The following LMO7 variants were observed in gnomAD, a reference collection of about 807,000 sequenced individuals.
LMO7 encodes LIM domain 7, also known as LIM domain only protein 7.
In LMO7, 120 loss-of-function variants were observed where a neutral mutation model predicts 206.5. The ratio of observed to expected loss-of-function variants is 0.58; its 90% CI spans 0.50 to 0.68. The LOEUF is 0.68. Among genes scored for constraint, LMO7 ranks in the 30% least tolerant of loss-of-function variants. The pLI is 0.00. For synonymous variants in LMO7, 706 were observed against 681.5 expected, an observed-to-expected ratio of 1.04 and a Z score of -0.56; for missense variants, 1,959 against 1,957.9, an observed-to-expected ratio of 1.00 and a Z score of -0.01.
intron 1 of LMO7, among the ~76,000 whole-genome samples, chr13:75,707,059 T>G (rs2042711032): frequency 6.6e-6 from 1 of 151,962 alleles, no homozygotes; most frequent in Admixed American, 6.5e-5. Context: ...CTATTCTTTG[T>G]TCCTTTAGGT....
Position 75,841,752 on chromosome 13 carries a change from A to C in LMO7, c.3800A>C (p.Glu1267Ala), listed in dbSNP as rs1220542209. Residue 1267 changes from glutamate to alanine, a missense_variant, in exon 24 of 31, where the codon GAA becomes GCA. Transcript: ENST00000377534. The stretch of plus-strand genomic sequence containing the variant: ...GACAGAGAAGGAACCCGAGCAGGAG[A>C]AGAGGAGAGGAGACAGCCACAAGAG... ...SSDREGTRAGEEERRQPQEEV... is the reference protein window; with the variant it reads ...SSDREGTRAGAEERRQPQEEV... 1 of 1,614,054 alleles carries C rather than the reference A, an allele frequency of 6.2e-7. No homozygotes were observed. Among genetic ancestry groups the C allele is most frequent in the African/African-American group, 1.3e-5 (1 of 75,006 alleles).
intron 4 of LMO7, among the ~76,000 whole-genome samples, chr13:75,790,556 A>G (rs1253057740): frequency 6.6e-6 from 1 of 152,064 alleles, no homozygotes; most frequent in Non-Finnish European, 1.5e-5. Flanking sequence ...TTTTTTACCC[A>G]CTGGTCCTTT....
exon 2 of LMO7, chr13:75,623,307 C>T: frequency 2.8e-6 from 4 of 1,433,094 alleles, no homozygotes; most frequent in South Asian, 2.3e-5. Flanking sequence ...TCAGGAAGGA[C>T]TATTCTCATT....
chr13:75,846,409 C>G (rs1343730386), intron 26 of LMO7, among the ~76,000 whole-genome samples: 1 of 152,208 alleles, frequency 6.6e-6, no homozygotes. Flanking sequence ...TTATCTTTCT[C>G]AGTTCCCAAT....
Position 75,733,400 on chromosome 13 carries a change from A to G in LMO7, c.210+6302A>G, listed in dbSNP as rs112302633. Among the ~76,000 whole-genome samples, 798 of 152,330 alleles carry G rather than the reference A, an allele frequency of 5.2e-3. 7 individuals carry two copies. Among genetic ancestry groups the G allele is most frequent in the African/African-American group, 0.012 (502 of 41,582 alleles). Reference sequence around the variant, plus strand: ...TCAGACTGCTGTGCTAGCAATCAGCAAGACTCCGTGGGCGTAGGACCCTCC... The same window carrying G: ...TCAGACTGCTGTGCTAGCAATCAGCGAGACTCCGTGGGCGTAGGACCCTCC... On this transcript the variant is annotated intron_variant, in intron 3 of 30. Coordinates refer to ENST00000377534, the MANE Select transcript of LMO7 (RefSeq NM_001306080.2).
exon 1 of LMO7, chr13:75,621,812 A>C: frequency 6.2e-7 from 1 of 1,612,302 alleles, no homozygotes; most frequent in East Asian, 2.2e-5. Flanking sequence ...ATATGTGCTC[A>C]TGTCTGCATC....
At chr13:75,652,649 G>A (rs192750303) in intron 1 of LMO7, among the ~76,000 whole-genome samples, 112 of 144,620 alleles carry the variant, frequency 7.7e-4, no homozygotes, top group Admixed American at 1.5e-3. Flanking sequence ...GTGTGTGTGT[G>A]TGTGTGTGTA....
chr13:75,831,762 C>T (rs1231430679), intron 15 of LMO7, among the ~76,000 whole-genome samples: 1 of 152,068 alleles, frequency 6.6e-6, no homozygotes, highest in Non-Finnish European at 1.5e-5. Flanking sequence ...TGCATTAATC[C>T]CTTCATGAGG....
chr13:75,831,700 C>A (rs547309668), intron 15 of LMO7, among the ~76,000 whole-genome samples: 1 of 152,100 alleles, frequency 6.6e-6, no homozygotes, highest in Admixed American at 6.5e-5. Context: ...ACAACCTGCT[C>A]TTGTGGTAAC....
intron 4 of LMO7, among the ~76,000 whole-genome samples, chr13:75,776,293 C>G (rs1181870977): frequency 6.8e-6 from 1 of 146,654 alleles, no homozygotes; most frequent in Non-Finnish European, 1.5e-5. Context: ...ATTACAGAAC[C>G]AGGAAGGACT....
chr13:75,634,394 C>T (rs910552631), upstream of LMO7, among the ~76,000 whole-genome samples: 5 of 151,828 alleles, frequency 3.3e-5, no homozygotes, highest in Non-Finnish European at 7.4e-5. Flanking sequence ...GCTATGATGG[C>T]GCAACTGCAC....
At chr13:75,650,321 G>T (rs377081885) in intron 1 of LMO7, among the ~76,000 whole-genome samples, 57 of 151,580 alleles carry the variant, frequency 3.8e-4, no homozygotes, top group Middle Eastern at 7.0e-3. Context: ...GTAGAGACAG[G>T]GTTTCACCAT....
chr13:75,727,230 T>A (rs2044560174), intron 3 of LMO7, 132 bp downstream of exon 3: 1 of 531,780 alleles, frequency 1.9e-6, no homozygotes, highest in South Asian at 2.9e-5. Flanking sequence ...GCAAAGTGTG[T>A]TTGGTGATGT....
At chr13:75,797,681 A>C (rs2054206230) in intron 6 of LMO7, among the ~76,000 whole-genome samples, 1 of 152,230 alleles carries the variant, frequency 6.6e-6, no homozygotes, top group Non-Finnish European at 1.5e-5. Context: ...TGAACATGAT[A>C]ACCTTGGCTT....
At chr13:75,786,865 T>G (rs1182149638) in intron 4 of LMO7, among the ~76,000 whole-genome samples, 1 of 152,224 alleles carries the variant, frequency 6.6e-6, no homozygotes, top group Non-Finnish European at 1.5e-5. Context: ...ACACTTAACA[T>G]GTCTAAAACC....
chr13:75,758,708 C>T (rs1255904080), intron 3 of LMO7, among the ~76,000 whole-genome samples: 1 of 151,978 alleles, frequency 6.6e-6, no homozygotes, highest in East Asian at 1.9e-4. Context: ...CAATCTGTAC[C>T]TATTTGTCAA....
intron 4 of LMO7, among the ~76,000 whole-genome samples, chr13:75,782,240 C>A (rs936651538): frequency 1.4e-4 from 21 of 152,292 alleles, no homozygotes; most frequent in African/African-American, 4.3e-4. Context: ...CTGTCATAAA[C>A]TGTTGGCATT....
At chr13:75,702,558 T>G (rs936130157) in intron 1 of LMO7, among the ~76,000 whole-genome samples, 15 of 152,210 alleles carry the variant, frequency 9.9e-5, no homozygotes, top group African/African-American at 3.4e-4. Flanking sequence ...ATGCCAAATC[T>G]TAATAGAAAT....
rs1163210302 is a variant in LMO7, at chr13:75,805,616, T to G, written c.1052T>G (p.Val351Gly). 6.2e-7 allele frequency: 1 copy of G among 1,613,968 alleles called. No individual in the cohort carries two copies. Among genetic ancestry groups the G allele is most frequent in the African/African-American group, 1.3e-5 (1 of 74,952 alleles). Residue 351 changes from valine to glycine, a missense_variant, in exon 9 of 31, where the codon GTG becomes GGG. Physicochemically the swap from Val to Gly is moderately radical, Grantham distance 109. Coordinates refer to ENST00000377534, the MANE Select transcript of LMO7 (RefSeq NM_001306080.2). ...AACATTGTAAAGGATGATCTTTATG[T>G]GCGCAAGCTCAGTCCAGTCATGCCA... is the stretch of plus-strand genomic sequence containing the variant. Reference protein sequence around the residue: ...IPNIVKDDLYVRKLSPVMPNP... With the variant: ...IPNIVKDDLYGRKLSPVMPNP...
Sources: allele counts gnomAD v4.1 joint callset (sites outside exome capture counted in the v4.1 genomes callset), GRCh38; gene constraint gnomAD v4.1.1; transcripts MANE v1.5; gene names NCBI Gene and HGNC (gene_info 2026-07-23, HGNC 2026-07-21).